Variants in RTTN observed in about 807,000 individuals in gnomAD.
RTTN encodes rotatin.
A neutral mutation model predicts 269.2 loss-of-function variants in RTTN; 182 were observed. The observed-to-expected ratio is 0.68, with a 90% CI of 0.60 to 0.76. The LOEUF (loss-of-function observed/expected upper bound fraction) is 0.76. Ranked by LOEUF, RTTN falls within the 30% of genes least tolerant of loss-of-function variation. RTTN has a pLI of 0.00. For missense variants in RTTN, 2,545 were observed against 2,608.6 expected (o/e 0.98, Z 0.53); for synonymous variants, 1,006 against 963.5 (o/e 1.04, Z -0.82).
rs575776897 is a variant in RTTN at position 70,077,914 on chromosome 18, A to T, written c.4375-2373T>A. Among the ~76,000 whole-genome samples the T allele has an allele frequency of 2.0e-5, 3 of 151,982 alleles. No homozygotes were observed. In the South Asian group the frequency reaches 6.2e-4, roughly 32 times the overall value. ...TTTAAGATATAGAAATACAAAAGGA[A>T]ATCAGAGAAAATAAATTCAAGAGGC... On this transcript the variant is annotated intron_variant, in intron 32 of 48. Coordinates refer to ENST00000640769, the MANE Select transcript of RTTN (RefSeq NM_173630.4).
intron 14 of RTTN, among the ~76,000 whole-genome samples, chr18:70,163,003 C>CT (rs1341458278): frequency 2.5e-5 from 3 of 119,550 alleles, no homozygotes; most frequent in African/African-American, 6.2e-5. Context: ...ATAATCAAAA[C>CT]TTGATAAATT....
intron 14 of RTTN, among the ~76,000 whole-genome samples, chr18:70,163,665 G>A (rs2060907582): frequency 1.3e-5 from 2 of 152,224 alleles, no homozygotes; most frequent in Admixed American, 6.5e-5. Context: ...GACCAGAAGT[G>A]TTTCAGATTT....
At chr18:70,013,272 ATGT>A (rs2056445136) in intron 46 of RTTN, among the ~76,000 whole-genome samples, 1 of 149,824 alleles carries the variant, frequency 6.7e-6, no homozygotes, top group Non-Finnish European at 1.5e-5. Context: ...ATGTTTTTAA[ATGT>A]TGTCTCAAAC....
At chr18:70,067,569 A>G (rs2058177090) in intron 34 of RTTN, among the ~76,000 whole-genome samples, 1 of 152,244 alleles carries the variant, frequency 6.6e-6, no homozygotes, top group Admixed American at 6.5e-5. Context: ...CTGTGAAGAA[A>G]ATAATCCTAT....
intron 24 of RTTN, 159 bp downstream of exon 24, chr18:70,128,199 A>G (rs889040527): frequency 1.7e-6 from 1 of 591,768 alleles, no homozygotes; most frequent in Middle Eastern, 4.6e-4. Context: ...TAATAAACAC[A>G]TGTAATATTT....
rs751381216 is a variant in RTTN, at chr18:70,168,897, T to G, written c.1647A>C (p.Ser549=). ...ACAGGAAGTTACAGGTGCATTCAAT[T>G]GAATAAACGGCCTCTGCAGTTCGTT... The part of the protein sequence containing the change: ...IYKRTAEAVY[S]IECTCNFLSD... Residue 549 remains serine (S), a synonymous_variant, in exon 12 of 49, where the codon TCA becomes TCC. Coordinates refer to ENST00000640769, the MANE Select transcript of RTTN (RefSeq NM_173630.4). The G allele has an allele frequency of 4.3e-6, 7 of 1,613,086 alleles. No individual in the cohort carries two copies. Among genetic ancestry groups the G allele is most frequent in the Non-Finnish European group, 5.9e-6 (7 of 1,179,704 alleles).
intron 30 of RTTN, among the ~76,000 whole-genome samples, chr18:70,091,298 A>G (rs1224548777): frequency 6.6e-6 from 1 of 152,198 alleles, no homozygotes; most frequent in Admixed American, 6.5e-5. Context: ...TCCAAAACTC[A>G]TATGTTGAAG....
intron 3 of RTTN, among the ~76,000 whole-genome samples, chr18:70,202,632 A>G (rs1292695909): frequency 1.3e-5 from 2 of 152,240 alleles, no homozygotes; most frequent in African/African-American, 4.8e-5. Flanking sequence ...GATGTCTTCG[A>G]AACTGTAAAA....
chr18:70,167,360 T>A (rs530920244), intron 12 of RTTN, among the ~76,000 whole-genome samples: 1 of 152,302 alleles, frequency 6.6e-6, no homozygotes, highest in South Asian at 2.1e-4. Context: ...TTTATTTTAT[T>A]ATAAACCTGC....
At chr18:70,063,897 C>A (rs1396393416) in intron 35 of RTTN, among the ~76,000 whole-genome samples, 1 of 148,948 alleles carries the variant, frequency 6.7e-6, no homozygotes, top group Non-Finnish European at 1.5e-5. Flanking sequence ...CATATATCAC[C>A]AAAAAATTGT....
chr18:70,151,206 C>A (rs1185244435), intron 14 of RTTN, among the ~76,000 whole-genome samples: 1 of 146,996 alleles, frequency 6.8e-6, no homozygotes, highest in African/African-American at 2.5e-5. Flanking sequence ...ATATAATATA[C>A]CTATTATATA....
chr18:70,053,995 C>T (rs1439055544), intron 38 of RTTN, 136 bp downstream of exon 38: 2 of 694,420 alleles, frequency 2.9e-6, no homozygotes, highest in Admixed American at 2.9e-5. Flanking sequence ...AACTATAAAA[C>T]ACATTATCAA....
intron 28 of RTTN, among the ~76,000 whole-genome samples, chr18:70,106,317 C>T (rs2059320413): frequency 6.6e-6 from 1 of 152,056 alleles, no homozygotes; most frequent in South Asian, 2.1e-4. Flanking sequence ...TGCATTCCAG[C>T]CTGAGCAACA....
chr18:70,033,658 A>G (rs1387452427), intron 40 of RTTN, among the ~76,000 whole-genome samples: 12 of 152,194 alleles, frequency 7.9e-5, no homozygotes, highest in Admixed American at 7.8e-4. Flanking sequence ...ATCACAACTA[A>G]AAGAACTAGA....
At chr18:70,185,724 T>C (rs1301460577) in intron 10 of RTTN, among the ~76,000 whole-genome samples, 1 of 152,070 alleles carries the variant, frequency 6.6e-6, no homozygotes, top group Non-Finnish European at 1.5e-5. Context: ...ACTGTTTTTA[T>C]TCACAGATAA....
At chr18:70,196,259 G>C (rs1051035495) in intron 7 of RTTN, among the ~76,000 whole-genome samples, 1 of 146,050 alleles carries the variant, frequency 6.8e-6, no homozygotes, top group Non-Finnish European at 1.5e-5. Context: ...AAGTTTGGGA[G>C]AAAAAAGAAA....
intron 35 of RTTN, among the ~76,000 whole-genome samples, chr18:70,065,145 A>G (rs915262894): frequency 5.9e-5 from 9 of 152,100 alleles, no homozygotes; most frequent in African/African-American, 1.2e-4. Context: ...TGTTTCAGAA[A>G]GTATTTTTTC....
intron 11 of RTTN, among the ~76,000 whole-genome samples, chr18:70,176,183 A>G (rs1350542762): frequency 6.8e-6 from 1 of 146,440 alleles, no homozygotes; most frequent in Non-Finnish European, 1.5e-5. Context: ...GTATATGTAT[A>G]CGTAGATGTA....
intron 16 of RTTN, 111 bp downstream of exon 16, chr18:70,149,860 C>A: frequency 1.2e-6 from 1 of 810,556 alleles, no homozygotes; most frequent in South Asian, 1.4e-5. Context: ...GCCTTCACAG[C>A]TTCTCTTCAT....
Sources: gnomAD v4.1 joint callset for allele counts (sites outside exome capture counted in the v4.1 genomes callset) on GRCh38, gnomAD v4.1.1 for gene constraint, MANE v1.5 for transcripts, NCBI Gene and HGNC (gene_info 2026-07-23, HGNC 2026-07-21) for gene names.